Variants in ULK4 observed in about 807,000 individuals in gnomAD.
ULK4 encodes unc-51 like kinase 4.
Under a neutral mutation model 160.6 loss-of-function variants are expected in ULK4, and 133 were observed. That is an observed-to-expected ratio of 0.83 (90% confidence interval 0.72 to 0.96). ULK4 has a LOEUF of 0.96. ULK4 is among the 40% of genes least tolerant of loss of function. The pLI is 0.00. For synonymous variants in ULK4, 534 were observed against 539.8 expected, an observed-to-expected ratio of 0.99 and a Z score of 0.15; for missense variants, 1,580 against 1,499.5, an observed-to-expected ratio of 1.05 and a Z score of -0.89.
At chr3:41,849,810 T>C (rs1459142472) in intron 17 of ULK4, among the ~76,000 whole-genome samples, 2 of 152,192 alleles carry the variant, frequency 1.3e-5, no homozygotes, top group African/African-American at 2.4e-5. Context: ...CTACATTTTT[T>C]TAAAGAATTT....
At chr3:41,467,444 T>G (rs537571470) in intron 32 of ULK4, among the ~76,000 whole-genome samples, 1 of 152,188 alleles carries the variant, frequency 6.6e-6, no homozygotes, top group South Asian at 2.1e-4. Context: ...GGAGAATCGT[T>G]TGAACCCAGG....
chr3:41,507,178 CAAAAAAAAAAA>C (rs149739568), intron 32 of ULK4, among the ~76,000 whole-genome samples: 1 of 82,128 alleles, frequency 1.2e-5, no homozygotes, highest in East Asian at 3.3e-4. Flanking sequence ...TAACCAGGAG[CAAAAAAAAAAA>C]AAAAAAAAAA....
At chr3:41,375,119 C>G (rs902297919) in intron 35 of ULK4, among the ~76,000 whole-genome samples, 2 of 151,864 alleles carry the variant, frequency 1.3e-5, no homozygotes, top group South Asian at 2.1e-4. Context: ...AACCACTGCT[C>G]GACGAAATAA....
At chr3:41,626,316 A>G (rs72862133) in intron 30 of ULK4, among the ~76,000 whole-genome samples, 9,327 of 152,194 alleles carry the variant, frequency 0.061, 973 homozygotes, top group African/African-American at 0.21. Context: ...AAGTGTCAAT[A>G]CACAATATTT....
chr3:41,872,216 G>A (rs1697123662), intron 17 of ULK4, among the ~76,000 whole-genome samples: 1 of 152,240 alleles, frequency 6.6e-6, no homozygotes, highest in African/African-American at 2.4e-5. Flanking sequence ...TTTACTTGGT[G>A]AGACTTCACC....
At chr3:41,433,425 T>C (rs146024149) in intron 34 of ULK4, among the ~76,000 whole-genome samples, 253 of 152,330 alleles carry the variant, frequency 1.7e-3, no homozygotes, top group African/African-American at 5.7e-3. Context: ...TGGCAATCTA[T>C]ATCAAAACTA....
chr3:41,905,005 T>C (rs1698502671), intron 12 of ULK4, among the ~76,000 whole-genome samples: 1 of 152,196 alleles, frequency 6.6e-6, no homozygotes, highest in Non-Finnish European at 1.5e-5. Context: ...ATCTTAAAAT[T>C]CATATGGAAA....
At chr3:41,650,647 A>G (rs554501998) in intron 30 of ULK4, among the ~76,000 whole-genome samples, 6 of 152,344 alleles carry the variant, frequency 3.9e-5, no homozygotes, top group African/African-American at 1.4e-4. Context: ...TTTGGCAGGC[A>G]TAGGATCCAG....
chr3:41,954,602 A>G lies in ULK4; in HGVS notation c.138+20T>C, dbSNP rs773918712. On this transcript the variant is annotated intron_variant, in intron 2 of 36. Coordinates refer to ENST00000301831, the MANE Select transcript of ULK4 (RefSeq NM_017886.4). The stretch of plus-strand genomic sequence containing the variant: ...TGTAGCTCTCTCTTTCCCCATGCCA[A>G]TGGAAATACACTGACTTACCCAGTT... 2 of 1,603,520 alleles carry G rather than the reference A, an allele frequency of 1.2e-6. No homozygotes were observed. The highest frequency in any genetic ancestry group is 2.2e-5 in the East Asian group (1 of 44,752).
intron 19 of ULK4, among the ~76,000 whole-genome samples, chr3:41,812,459 A>G (rs2040846333): frequency 6.6e-6 from 1 of 152,218 alleles, no homozygotes; most frequent in African/African-American, 2.4e-5. Context: ...ACTGTTCAAA[A>G]AAAAAGAGTA....
intron 22 of ULK4, among the ~76,000 whole-genome samples, chr3:41,727,077 C>T (rs1484162946): frequency 3.3e-5 from 5 of 152,142 alleles, no homozygotes; most frequent in African/African-American, 1.2e-4. Flanking sequence ...AATTTTCTTA[C>T]TCTCATCACC....
At chr3:41,727,762 T>G (rs1256713721) in intron 22 of ULK4, among the ~76,000 whole-genome samples, 2 of 152,142 alleles carry the variant, frequency 1.3e-5, no homozygotes, top group African/African-American at 4.8e-5. Flanking sequence ...TTCTGGATCC[T>G]GTGAGGAAGA....
chr3:41,319,183 C>T (rs2080202651), intron 35 of ULK4, among the ~76,000 whole-genome samples: 1 of 152,138 alleles, frequency 6.6e-6, no homozygotes, highest in South Asian at 2.1e-4. Flanking sequence ...AATGGACTTG[C>T]AAGCTGCATT....
In ULK4 at chr3:41,297,146, G is replaced by A. The variant is rs1035989893; in HGVS notation, c.3679-47572C>T. Among the ~76,000 whole-genome samples the A allele has an allele frequency of 3.9e-5, 6 of 152,270 alleles. No homozygotes were observed. In the South Asian group the frequency reaches 1.2e-3, roughly 32 times the overall value. ...ACTGAAGCCCATCCATCTTTGAGGG[G>A]CCCAATTTCTCTCCCTCCTGCTGCC... On this transcript the variant is annotated intron_variant, in intron 35 of 36. Coordinates refer to ENST00000301831, the MANE Select transcript of ULK4 (RefSeq NM_017886.4).
rs1216590151 is a variant in ULK4 at position 41,641,871 on chromosome 3, C to CT, written c.3071+21735dup. Among the ~76,000 whole-genome samples, 325 of 138,444 alleles carry CT rather than the reference C, an allele frequency of 2.3e-3. 1 individual carries two copies. The highest frequency in any genetic ancestry group is 7.4e-3 in the Middle Eastern group (2 of 272). The allele number at this position is 138,444 out of a possible 152,430, so 90.8% of individuals were successfully genotyped here. A position where few individuals can be genotyped will look rare whatever the true frequency, so the allele number is the denominator to read the frequency against. The stretch of plus-strand genomic sequence containing the variant: ...AGCTCATAAAAATGACAATTAATAC[C>CT]TTTTTTTTTTTTTTTTTCTTTGAGA... On this transcript the variant is annotated intron_variant, in intron 30 of 36. Coordinates refer to ENST00000301831, the MANE Select transcript of ULK4 (RefSeq NM_017886.4).
intron 32 of ULK4, among the ~76,000 whole-genome samples, chr3:41,529,456 C>T (rs896358344): frequency 1.3e-5 from 2 of 152,082 alleles, no homozygotes; most frequent in Non-Finnish European, 2.9e-5. Flanking sequence ...TGAAAATAAG[C>T]CCATTATCTG....
intron 34 of ULK4, among the ~76,000 whole-genome samples, chr3:41,430,634 C>A (rs996567087): frequency 6.6e-6 from 1 of 152,092 alleles, no homozygotes; most frequent in Non-Finnish European, 1.5e-5. Context: ...GAGTTTATTA[C>A]AATAAGAGAT....
intron 27 of ULK4, among the ~76,000 whole-genome samples, chr3:41,690,022 C>T (rs2036235123): frequency 6.7e-6 from 1 of 148,262 alleles, no homozygotes; most frequent in Non-Finnish European, 1.5e-5. Context: ...TTCACAATAG[C>T]AAAGACTTGG....
chr3:41,524,910 T>A (rs1004215422), intron 32 of ULK4, among the ~76,000 whole-genome samples: 1 of 151,944 alleles, frequency 6.6e-6, no homozygotes, highest in East Asian at 1.9e-4. Flanking sequence ...TGCACTCCAG[T>A]CTGGCGATAG....
Sources: allele counts gnomAD v4.1 joint callset (sites outside exome capture counted in the v4.1 genomes callset), GRCh38; gene constraint gnomAD v4.1.1; transcripts MANE v1.5; gene names NCBI Gene and HGNC (gene_info 2026-07-23, HGNC 2026-07-21).